The following PKNOX2 variants were observed in gnomAD, a reference collection of about 807,000 sequenced individuals.
PKNOX2 encodes the protein PBX/knotted 1 homeobox 2, also known as homeobox protein PKNOX2.
Under a neutral mutation model 53.1 loss-of-function variants are expected in PKNOX2, and 14 were observed. The ratio of observed to expected loss-of-function variants is 0.26; its 90% confidence interval spans 0.17 to 0.41. The LOEUF is 0.41. PKNOX2 is among the 10% of genes least tolerant of loss of function. PKNOX2 has a pLI of 1.00. For missense variants in PKNOX2, 496 were observed against 602.8 expected (o/e 0.82, Z 1.85); for synonymous variants, 257 against 242.8 (o/e 1.06, Z -0.54).
At chr11:125,398,739 C>T (rs1165452165) in intron 7 of PKNOX2, among the ~76,000 whole-genome samples, 4 of 152,340 alleles carry the variant, frequency 2.6e-5, no homozygotes, top group East Asian at 1.9e-4. Flanking sequence ...TTTCCCCAAA[C>T]CTACAAACCG....
chr11:125,368,775 A>G (rs1028843493), intron 5 of PKNOX2, among the ~76,000 whole-genome samples: 1 of 152,166 alleles, frequency 6.6e-6, no homozygotes, highest in Non-Finnish European at 1.5e-5. Flanking sequence ...ATTCTTGTAC[A>G]TAGTTGGGGA....
intron 6 of PKNOX2, among the ~76,000 whole-genome samples, chr11:125,389,630 G>A (rs58855125): frequency 0.011 from 1,623 of 152,270 alleles, 31 homozygotes; most frequent in African/African-American, 0.036. Context: ...AGTTGGTAAA[G>A]TTTGTAAAAT....
intron 2 of PKNOX2, among the ~76,000 whole-genome samples, chr11:125,279,128 G>T (rs1476316351): frequency 1.3e-5 from 2 of 152,222 alleles, no homozygotes; most frequent in Non-Finnish European, 2.9e-5. Flanking sequence ...TGGCACCTTG[G>T]TCAAGTGCCC....
rs532983514 is a variant in PKNOX2, at chr11:125,314,894, G to A, written c.-129-16925G>A. On this transcript the variant is annotated intron_variant, in intron 2 of 12. Coordinates refer to ENST00000298282, the MANE Select transcript of PKNOX2 (RefSeq NM_001382323.2). ...GAGACTATTCCTTTCCTGACTTTGG[G>A]TCAGGAAAGAGAGTTGGGGAAAGGA... Among the ~76,000 whole-genome samples the A allele has an allele frequency of 2.1e-3, 318 of 152,266 alleles. 1 individual carries two copies. Among genetic ancestry groups the A allele is most frequent in the Non-Finnish European group, 3.2e-3 (219 of 68,012 alleles).
chr11:125,367,654 C>T (rs911078321), intron 4 of PKNOX2, among the ~76,000 whole-genome samples, 192 bp from the exon 5 acceptor site: 5 of 152,168 alleles, frequency 3.3e-5, no homozygotes, highest in Admixed American at 1.3e-4. Context: ...AGAACATGCT[C>T]ATTTGAAGAA....
At chr11:125,180,681 G>A (rs76708256) in intron 1 of PKNOX2, among the ~76,000 whole-genome samples, 2,106 of 152,268 alleles carry the variant, frequency 0.014, 43 homozygotes, top group African/African-American at 0.048. Flanking sequence ...ACAGCTCCTG[G>A]GGAAAAAGGG....
At chr11:125,248,575 G>GTA (rs1304151606) in intron 2 of PKNOX2, among the ~76,000 whole-genome samples, 1 of 150,582 alleles carries the variant, frequency 6.6e-6, no homozygotes, top group African/African-American at 2.4e-5. Flanking sequence ...TATATGCAAT[G>GTA]TATATATTGT....
chr11:125,401,601 C>A (rs1270967842), intron 7 of PKNOX2, among the ~76,000 whole-genome samples: 1 of 152,178 alleles, frequency 6.6e-6, no homozygotes, highest in Non-Finnish European at 1.5e-5. Flanking sequence ...CCAGGACAGG[C>A]CCCTGTCATT....
intron 10 of PKNOX2, among the ~76,000 whole-genome samples, chr11:125,425,207 TAAAAC>T (rs907799410): frequency 6.6e-6 from 1 of 152,168 alleles, no homozygotes; most frequent in African/African-American, 2.4e-5. Context: ...ATGGAAGACA[TAAAAC>T]AAACAAAGGT....
In PKNOX2 at chr11:125,165,616, G is replaced by A. The variant is rs2092401079; in HGVS notation, c.-201+840G>A. ...AGACAGGGGAACACCGGCGGGGCCC[G>A]GGAAGCCAGGATCCGAGGGGCTACA... On this transcript the variant is annotated intron_variant, in intron 1 of 12. Coordinates refer to ENST00000298282, the MANE Select transcript of PKNOX2 (RefSeq NM_001382323.2). The surrounding 1 kb of genome is among the most constrained non-coding windows in gnomAD (Gnocchi z 4.5). Among the ~76,000 whole-genome samples, 1 of 152,174 alleles carries A rather than the reference G, an allele frequency of 6.6e-6. No individual in the cohort carries two copies. The highest frequency in any genetic ancestry group is 6.5e-5 in the Admixed American group (1 of 15,288).
At chr11:125,411,612 G>A (rs1205726419) in intron 9 of PKNOX2, 134 bp from the exon 10 acceptor site, 3 of 1,426,572 alleles carry the variant, frequency 2.1e-6, no homozygotes, top group African/African-American at 1.4e-5. Context: ...AGAGGGAAAG[G>A]TGACCTCCCC....
At chr11:125,366,878 C>A (rs1249298113) in intron 4 of PKNOX2, among the ~76,000 whole-genome samples, 2 of 152,138 alleles carry the variant, frequency 1.3e-5, no homozygotes, top group African/African-American at 4.8e-5. Context: ...AGCATCAAAC[C>A]TTTTTACTAA....
intron 3 of PKNOX2, among the ~76,000 whole-genome samples, chr11:125,339,050 T>C (rs1162251508): frequency 6.6e-6 from 1 of 152,188 alleles, no homozygotes; most frequent in Non-Finnish European, 1.5e-5. Flanking sequence ...TGAGAGCAGC[T>C]GAAAGGGCCA....
At chr11:125,258,137 G>A (rs1227453902) in intron 2 of PKNOX2, among the ~76,000 whole-genome samples, 5 of 152,030 alleles carry the variant, frequency 3.3e-5, no homozygotes, top group East Asian at 3.9e-4. Context: ...GCTTTCTTCC[G>A]CCACACCCAC....
At chr11:125,244,723 C>A (rs1255116636) in intron 2 of PKNOX2, among the ~76,000 whole-genome samples, 1 of 152,242 alleles carries the variant, frequency 6.6e-6, no homozygotes, top group Non-Finnish European at 1.5e-5. Context: ...CATCCACCTC[C>A]ATTTGCATTC....
intron 1 of PKNOX2, among the ~76,000 whole-genome samples, chr11:125,230,147 G>C (rs1196698528): frequency 1.3e-5 from 2 of 152,236 alleles, no homozygotes; most frequent in Non-Finnish European, 2.9e-5. Context: ...TGTGGCACAG[G>C]GGGCTGAGGA....
At chr11:125,178,453 G>A (rs367604750) in intron 1 of PKNOX2, among the ~76,000 whole-genome samples, 1 of 150,970 alleles carries the variant, frequency 6.6e-6, no homozygotes, top group Non-Finnish European at 1.5e-5. Context: ...GGAGGTTGCG[G>A]TGAGCCGAGA....
At chr11:125,428,631 T>C (rs1956547470) in intron 10 of PKNOX2, among the ~76,000 whole-genome samples, 1 of 152,118 alleles carries the variant, frequency 6.6e-6, no homozygotes, top group Non-Finnish European at 1.5e-5. Context: ...CTATGGGCGT[T>C]TGAGGCCATT....
At chr11:125,170,581 C>G (rs947460808) in intron 1 of PKNOX2, among the ~76,000 whole-genome samples, 7 of 152,204 alleles carry the variant, frequency 4.6e-5, no homozygotes, top group Non-Finnish European at 7.3e-5. Flanking sequence ...GCTGCAAATG[C>G]GTTGTCTTCA....
Sources: gnomAD v4.1 joint callset for allele counts (sites outside exome capture counted in the v4.1 genomes callset) on GRCh38, gnomAD v4.1.1 for gene constraint, Gnocchi (gnomAD v3.1) non-coding constraint, MANE v1.5 for transcripts, NCBI Gene and HGNC (gene_info 2026-07-23, HGNC 2026-07-21) for gene names.